The following BANK1 variants were observed in gnomAD, a reference collection of about 807,000 sequenced individuals.
BANK1 encodes B-cell scaffold protein with ankyrin repeats.
In BANK1, 95 loss-of-function variants were observed where a neutral mutation model predicts 94.5. That is an observed-to-expected ratio of 1.00 (90% CI 0.85 to 1.19). BANK1 has a LOEUF of 1.19. Among genes scored for constraint, BANK1 ranks in the 50% most tolerant of loss-of-function variants. The probability of loss-of-function intolerance (pLI) is 0.00; values close to 1 mark genes in which losing one functional copy is unlikely to be tolerated. For synonymous variants in BANK1, 334 were observed against 308.4 expected (o/e 1.08, Z -0.87); for missense variants, 987 against 932.2 (o/e 1.06, Z -0.77).
intron 7 of BANK1, among the ~76,000 whole-genome samples, chr4:101,937,641 G>A (rs1318378927): frequency 1.3e-5 from 2 of 151,880 alleles, no homozygotes; most frequent in Non-Finnish European, 2.9e-5. Flanking sequence ...ACTGTTGATG[G>A]AAATGTAAAT....
At chr4:101,969,529 T>TAAC (rs1458567700) in intron 7 of BANK1, among the ~76,000 whole-genome samples, 1 of 152,054 alleles carries the variant, frequency 6.6e-6, no homozygotes, top group Admixed American at 6.6e-5. Flanking sequence ...GGTAATTTTA[T>TAAC]AACAACACAC....
intron 7 of BANK1, among the ~76,000 whole-genome samples, chr4:101,987,731 C>A (rs1444396662): frequency 1.2e-4 from 19 of 152,164 alleles, no homozygotes. Context: ...ATCTTACTTT[C>A]ATTTGCATCT....
intron 1 of BANK1, among the ~76,000 whole-genome samples, chr4:101,816,093 G>A (rs10028805): frequency 0.45 from 67,943 of 151,972 alleles, 16,249 homozygotes; most frequent in African/African-American, 0.63. Context: ...TAAAACCTAT[G>A]AAACTTTGAT....
rs777895274 is a variant in BANK1 at position 101,862,608 on chromosome 4, G to T, written c.707G>T (p.Arg236Leu). ...GTTGAATTTACATCAAGTAATAAGC[G>T]CATTAGAACACGGCCAGCCCTTTGG... ...VEVEFTSSNK[R>L]IRTRPALWNK... Residue 236 changes from arginine to leucine, a missense_variant, in exon 4 of 17, where the codon CGC (arginine) becomes CTC (leucine). Arg to Leu is a moderately radical substitution (Grantham distance 102). Transcript: ENST00000322953. The T allele has an allele frequency of 6.2e-7, 1 of 1,611,132 alleles. No individual in the cohort carries two copies. The highest frequency in any genetic ancestry group is 8.5e-7 in the Non-Finnish European group (1 of 1,178,526).
At chr4:102,057,075 T>G (rs1288968533) in intron 11 of BANK1, among the ~76,000 whole-genome samples, 1 of 152,076 alleles carries the variant, frequency 6.6e-6, no homozygotes, top group Non-Finnish European at 1.5e-5. Flanking sequence ...ACCCTAAAGT[T>G]AAGGGGATGC....
At chr4:101,988,788 C>T (rs950521382) in intron 7 of BANK1, among the ~76,000 whole-genome samples, 1 of 152,086 alleles carries the variant, frequency 6.6e-6, no homozygotes, top group Non-Finnish European at 1.5e-5. Flanking sequence ...CAGAAGAAAA[C>T]AGCATGGTAC....
intron 7 of BANK1, among the ~76,000 whole-genome samples, chr4:101,991,922 T>TAAC (rs1172025317): frequency 2.0e-5 from 3 of 152,176 alleles, no homozygotes; most frequent in African/African-American, 7.2e-5. Context: ...CATGAAATAC[T>TAAC]CACCACCACC....
intron 2 of BANK1, among the ~76,000 whole-genome samples, chr4:101,842,609 C>T (rs560374545): frequency 7.9e-5 from 12 of 152,160 alleles, no homozygotes; most frequent in Non-Finnish European, 1.6e-4. Context: ...AATTTTTAGG[C>T]TACTTGCAGA....
At chr4:101,896,639 T>A (rs1722089665) in intron 6 of BANK1, among the ~76,000 whole-genome samples, 1 of 151,550 alleles carries the variant, frequency 6.6e-6, no homozygotes, top group African/African-American at 2.4e-5. Context: ...AAATACTAGA[T>A]GAGAATAGAA....
At chr4:101,816,337 T>C (rs1725916564) in intron 1 of BANK1, among the ~76,000 whole-genome samples, 1 of 152,218 alleles carries the variant, frequency 6.6e-6, no homozygotes, top group African/African-American at 2.4e-5. Context: ...GAAATGAACA[T>C]GTCCTTTCCT....
intron 10 of BANK1, among the ~76,000 whole-genome samples, chr4:102,032,604 C>T (rs982966588): frequency 2.0e-5 from 3 of 152,126 alleles, no homozygotes; most frequent in South Asian, 2.1e-4. Context: ...AAGCACCGGC[C>T]GGGCATGGTG....
chr4:102,046,831 G>A (rs145590531), intron 11 of BANK1, among the ~76,000 whole-genome samples: 1 of 152,128 alleles, frequency 6.6e-6, no homozygotes, highest in African/African-American at 2.4e-5. Flanking sequence ...TTTTTTGTCT[G>A]ACAATAAGGC....
At chr4:101,854,180 A>G (rs1727596726) in intron 2 of BANK1, among the ~76,000 whole-genome samples, 1 of 152,112 alleles carries the variant, frequency 6.6e-6, no homozygotes, top group Non-Finnish European at 1.5e-5. Flanking sequence ...TTGGGTGGGC[A>G]TGAGTTTATA....
intron 7 of BANK1, among the ~76,000 whole-genome samples, chr4:102,003,368 G>C (rs1032050164): frequency 1.6e-4 from 25 of 152,294 alleles, no homozygotes; most frequent in African/African-American, 6.0e-4. Flanking sequence ...ACTTCAGTTA[G>C]GGCAGCTCAA....
rs1396553886 is a variant in BANK1 at position 101,946,601 on chromosome 4, C to T, written c.1206+28412C>T. Among the ~76,000 whole-genome samples, 3 of 151,878 alleles carry T rather than the reference C, an allele frequency of 2.0e-5. No homozygotes were observed. The East Asian group carries it at 5.8e-4, about 29-fold the overall frequency. On this transcript the variant is annotated intron_variant, in intron 7 of 16. Coordinates refer to ENST00000322953, the MANE Select transcript of BANK1 (RefSeq NM_017935.5). ...CAAAGGAACATGAAGGATTTGAAAA[C>T]CGAGATGGATTAAAGACTATCTCAC... is the stretch of plus-strand genomic sequence containing the variant.
At chr4:102,065,044 A>G (rs1177565216) in intron 13 of BANK1, among the ~76,000 whole-genome samples, 1 of 152,178 alleles carries the variant, frequency 6.6e-6, no homozygotes, top group African/African-American at 2.4e-5. Flanking sequence ...AAAGCATGCA[A>G]GACAGCAACT....
intron 1 of BANK1, among the ~76,000 whole-genome samples, chr4:101,800,876 GC>G (rs1725336344): frequency 1.3e-5 from 2 of 152,140 alleles, no homozygotes; most frequent in African/African-American, 4.8e-5. Flanking sequence ...TCCTGCTTCA[GC>G]CTCTCAGATA....
chr4:101,916,186 C>G (rs555814984), intron 6 of BANK1, among the ~76,000 whole-genome samples: 6 of 152,098 alleles, frequency 3.9e-5, no homozygotes, highest in African/African-American at 1.4e-4. Flanking sequence ...CCAACCCTTT[C>G]ATTTCATAAA....
At chr4:101,821,463 A>G (rs1726144046) in intron 1 of BANK1, among the ~76,000 whole-genome samples, 1 of 151,972 alleles carries the variant, frequency 6.6e-6, no homozygotes, top group Non-Finnish European at 1.5e-5. Context: ...ATTAGATCCC[A>G]TTTGTCAATT....
Sources: gnomAD v4.1 joint callset for allele counts (sites outside exome capture counted in the v4.1 genomes callset) on GRCh38, gnomAD v4.1.1 for gene constraint, MANE v1.5 for transcripts, NCBI Gene and HGNC (gene_info 2026-07-23, HGNC 2026-07-21) for gene names.